Variants in SYT14 observed in about 807,000 individuals in gnomAD.
The protein encoded by SYT14 is synaptotagmin 14, also known as synaptotagmin-14.
Under a neutral mutation model 74.2 loss-of-function variants are expected in SYT14, and 32 were observed. The ratio of observed to expected loss-of-function variants is 0.43; its 90% CI spans 0.33 to 0.58. SYT14 has a LOEUF of 0.58. Ranked by LOEUF, SYT14 falls within the 20% of genes least tolerant of loss-of-function variation. The probability of loss-of-function intolerance (pLI) is 0.05; values close to 1 mark genes in which losing one functional copy is unlikely to be tolerated. For synonymous variants in SYT14, 298 were observed against 337.7 expected (o/e 0.88, Z 1.29); for missense variants, 791 against 981.8 (o/e 0.81, Z 2.60).
intron 2 of SYT14, among the ~76,000 whole-genome samples, chr1:210,007,250 A>G (rs1176366451): frequency 2.6e-5 from 4 of 151,976 alleles, no homozygotes; most frequent in African/African-American, 9.6e-5. Flanking sequence ...GAAAGACTAA[A>G]CTTTCTACAT....
chr1:210,021,107 T>C, exon 5 of SYT14: 2 of 1,613,966 alleles, frequency 1.2e-6, no homozygotes, highest in Non-Finnish European at 1.7e-6. Flanking sequence ...GCTGGGTAAA[T>C]ATCATGAGGC....
chr1:210,113,877 A>G (rs898921902), intron 7 of SYT14, among the ~76,000 whole-genome samples: 4 of 151,330 alleles, frequency 2.6e-5, no homozygotes, highest in Non-Finnish European at 5.9e-5. Flanking sequence ...GAGTTTTAAG[A>G]GGTTTAGAAG....
intron 7 of SYT14, among the ~76,000 whole-genome samples, chr1:210,132,571 G>A (rs896157919): frequency 6.9e-6 from 1 of 144,700 alleles, no homozygotes; most frequent in African/African-American, 2.7e-5. Flanking sequence ...TATATATTGT[G>A]TGTGTGTGTG....
intron 5 of SYT14, among the ~76,000 whole-genome samples, chr1:210,069,005 T>A (rs1385353845): frequency 6.6e-6 from 1 of 151,886 alleles, no homozygotes; most frequent in Non-Finnish European, 1.5e-5. Flanking sequence ...TTTTATAATT[T>A]TTCTAATTGC....
At chr1:210,053,816 T>C (rs983430988) in intron 5 of SYT14, among the ~76,000 whole-genome samples, 2 of 152,222 alleles carry the variant, frequency 1.3e-5, no homozygotes, top group Non-Finnish European at 2.9e-5. Flanking sequence ...TGTAAGTATA[T>C]TACAAACTCA....
chr1:210,016,875 A>G (rs2080194764), exon 4 of SYT14: 2 of 1,231,826 alleles, frequency 1.6e-6, no homozygotes, highest in East Asian at 3.2e-5. Context: ...TTGACAAGCA[A>G]TAGGCATATG....
chr1:210,001,693 A>G (rs953745407), intron 2 of SYT14, among the ~76,000 whole-genome samples: 1 of 152,184 alleles, frequency 6.6e-6, no homozygotes, highest in Non-Finnish European at 1.5e-5. Context: ...AATGGGTTGC[A>G]TTTTAAAATA....
intron 5 of SYT14, among the ~76,000 whole-genome samples, chr1:210,067,922 A>G (rs375047762): frequency 6.6e-6 from 1 of 151,880 alleles, no homozygotes; most frequent in East Asian, 1.9e-4. Context: ...TTGTTCAACA[A>G]TCTTGTTCAT....
intron 2 of SYT14, among the ~76,000 whole-genome samples, chr1:209,968,012 CTATAA>C (rs1302365920): frequency 2.0e-5 from 3 of 152,024 alleles, no homozygotes; most frequent in African/African-American, 4.8e-5. Flanking sequence ...ATTGAACTAA[CTATAA>C]TATAACTGAG....
intron 5 of SYT14, among the ~76,000 whole-genome samples, chr1:210,087,668 G>A (rs906196778): frequency 6.6e-6 from 1 of 152,062 alleles, no homozygotes; most frequent in African/African-American, 2.4e-5. Flanking sequence ...TTTCTGAATT[G>A]AAAACCCTTC....
chr1:210,035,730 A>G (rs928524394), intron 5 of SYT14, among the ~76,000 whole-genome samples: 2 of 151,482 alleles, frequency 1.3e-5, no homozygotes, highest in African/African-American at 4.8e-5. Context: ...AAGATCAGTT[A>G]TTTCTGGGTT....
intron 5 of SYT14, among the ~76,000 whole-genome samples, chr1:210,083,397 C>T (rs1296663039): frequency 6.6e-6 from 1 of 152,106 alleles, no homozygotes; most frequent in Non-Finnish European, 1.5e-5. Flanking sequence ...TAAAATGTAT[C>T]TGAAGGTGCA....
At chr1:210,039,295 G>A (rs1348066256) in intron 5 of SYT14, among the ~76,000 whole-genome samples, 1 of 151,962 alleles carries the variant, frequency 6.6e-6, no homozygotes, top group Admixed American at 6.6e-5. Flanking sequence ...TGTCTAGCCT[G>A]CAGTGTAGCC....
At chr1:209,988,450 T>C (rs2079609029) in intron 2 of SYT14, among the ~76,000 whole-genome samples, 1 of 152,216 alleles carries the variant, frequency 6.6e-6, no homozygotes, top group South Asian at 2.1e-4. Context: ...GCTAGGTTTT[T>C]TTCATTTTGC....
Position 210,020,857 on chromosome 1 carries a change from A to ATG in SYT14, c.1097-168_1097-167dup, listed in dbSNP as rs111670536. ...AAAATTCAGGTTGTGTATAATATAT[A>ATG]TGTGTGTGTGTGTGTATATATGTGT... is the stretch of plus-strand genomic sequence containing the variant. On this transcript the variant is annotated intron_variant, in intron 4 of 9. Coordinates refer to ENST00000637265, the Ensembl canonical transcript of SYT14. Among the ~76,000 whole-genome samples the ATG allele has an allele frequency of 0.14, 20,944 of 151,498 alleles. 4,513 individuals are homozygous for ATG. Among genetic ancestry groups the ATG allele is most frequent in the African/African-American group, 0.47 (19,162 of 41,208 alleles).
At chr1:210,057,297 A>G (rs868059845) in intron 5 of SYT14, among the ~76,000 whole-genome samples, 2 of 152,252 alleles carry the variant, frequency 1.3e-5, no homozygotes, top group African/African-American at 4.8e-5. Context: ...GTCATCATGC[A>G]TCATGGCTGA....
At chr1:210,144,850 A>G (rs189604337) in intron 7 of SYT14, among the ~76,000 whole-genome samples, 17 of 152,304 alleles carry the variant, frequency 1.1e-4, no homozygotes, top group East Asian at 3.9e-4. Context: ...CTAACACTCT[A>G]TATGCTGAGT....
In SYT14 at chr1:210,012,708, C is replaced by CT. The variant is rs879303507; in HGVS notation, c.-485-912dup. Among the ~76,000 whole-genome samples, 986 of 143,662 alleles carry CT rather than the reference C, an allele frequency of 6.9e-3. 10 individuals carry two copies. Among genetic ancestry groups the CT allele is most frequent in the African/African-American group, 0.021 (824 of 39,430 alleles). The allele number at this position is 143,662 out of a possible 152,430, so 94.2% of individuals were successfully genotyped here. A position where few individuals can be genotyped will look rare whatever the true frequency, so the allele number is the denominator to read the frequency against. ...ATATAACCTTTTTCTTTCTTTCTTT[C>CT]TTTTTTTTTTTTTGAAACAGTCTCG... On this transcript the variant is annotated intron_variant, in intron 2 of 9. Coordinates refer to ENST00000637265, the Ensembl canonical transcript of SYT14.
chr1:210,013,505 T>C, intron 2 of SYT14, 128 bp from the exon 3 acceptor site: 2 of 946,974 alleles, frequency 2.1e-6, no homozygotes, highest in Admixed American at 2.5e-5. Context: ...GAAACTGTTT[T>C]TAAACTATGA....
Sources: allele counts gnomAD v4.1 joint callset (sites outside exome capture counted in the v4.1 genomes callset), GRCh38; gene constraint gnomAD v4.1.1; transcripts MANE v1.5; gene names NCBI Gene and HGNC (gene_info 2026-07-23, HGNC 2026-07-21).